FRK: variants seen among roughly 807,000 people sequenced by gnomAD.
FRK encodes tyrosine-protein kinase FRK.
In FRK, 51 loss-of-function variants were observed where a neutral mutation model predicts 56.4. The observed-to-expected ratio is 0.90, with a 90% CI of 0.72 to 1.14. The LOEUF (loss-of-function observed/expected upper bound fraction) is 1.14, where lower values mean the gene tolerates loss of function less well. Among genes scored for constraint, FRK ranks in the 50% most tolerant of loss-of-function variants. FRK has a pLI of 0.00. For missense variants in FRK, 570 were observed against 601.4 expected (o/e 0.95, Z 0.55); for synonymous variants, 245 against 217.9 (o/e 1.12, Z -1.10).
chr6:116,049,349 C>T (rs890207993), intron 1 of FRK, among the ~76,000 whole-genome samples: 3 of 152,152 alleles, frequency 2.0e-5, no homozygotes, highest in Admixed American at 2.0e-4. Context: ...GTTCATCTCT[C>T]TAGGCTTTTA....
intron 1 of FRK, among the ~76,000 whole-genome samples, chr6:116,015,672 G>A (rs1194820699): frequency 5.3e-5 from 8 of 152,156 alleles, no homozygotes; most frequent in Non-Finnish European, 1.2e-4. Context: ...TGAATTCCAG[G>A]CTCAGTTGGT....
the FRK span, among the ~76,000 whole-genome samples, chr6:116,079,720 G>T: frequency 2.0e-5 from 3 of 152,092 alleles, no homozygotes; most frequent in Non-Finnish European, 4.4e-5. Flanking sequence ...GCCCTGAGCA[G>T]ATGGGACTAC....
At chr6:116,016,688 G>C (rs1775668156) in intron 1 of FRK, among the ~76,000 whole-genome samples, 1 of 152,044 alleles carries the variant, frequency 6.6e-6, no homozygotes, top group African/African-American at 2.4e-5. Context: ...GTCTGCTACA[G>C]GTCAGAACAA....
At chr6:116,039,324 G>C in intron 1 of FRK, 3 of 1,416,988 alleles carry the variant, frequency 2.1e-6, no homozygotes, top group Non-Finnish European at 3.0e-6. Flanking sequence ...TCTGAGAATG[G>C]TGTCCAACAT....
At chr6:115,989,509 G>T (rs1774512162) in intron 2 of FRK, among the ~76,000 whole-genome samples, 1 of 151,760 alleles carries the variant, frequency 6.6e-6, no homozygotes, top group African/African-American at 2.4e-5. Context: ...TGTACCCATG[G>T]TTTAACTTCC....
chr6:116,087,452 C>T, the FRK span, among the ~76,000 whole-genome samples: 1 of 152,258 alleles, frequency 6.6e-6, no homozygotes, highest in African/African-American at 2.4e-5. Flanking sequence ...AGCTGCCCCA[C>T]CTAACTGGAC....
intron 4 of FRK, among the ~76,000 whole-genome samples, chr6:115,958,718 A>AGAAG (rs1773168040): frequency 1.5e-4 from 3 of 20,052 alleles, no homozygotes; most frequent in African/African-American, 5.5e-4. Flanking sequence ...AAAGAAAGAA[A>AGAAG]GAAAGAAAGA....
chr6:115,994,567 G>A (rs1265592670), intron 2 of FRK, among the ~76,000 whole-genome samples: 1 of 151,894 alleles, frequency 6.6e-6, no homozygotes, highest in Non-Finnish European at 1.5e-5. Flanking sequence ...CTACTTTACT[G>A]GCATGGCCAC....
rs1294209149 is a variant in FRK, at chr6:115,969,068, CT to C, written c.467-330del. Among the ~76,000 whole-genome samples the C allele has an allele frequency of 2.0e-5, 3 of 152,220 alleles. No individual in the cohort carries two copies. In the East Asian group the frequency reaches 5.8e-4, roughly 29 times the overall value. On this transcript the variant is annotated intron_variant, in intron 2 of 7. Transcript: ENST00000606080. ...ACTCTAGCAATGCAAAGAAGGACAC[CT>C]TACCATTTTGAGGAATCACAGTATC...
intron 2 of FRK, among the ~76,000 whole-genome samples, chr6:115,997,830 C>G (rs1188136330): frequency 6.6e-6 from 1 of 152,162 alleles, no homozygotes; most frequent in Non-Finnish European, 1.5e-5. Context: ...GTTCACTAGG[C>G]CTGTCCCACT....
intron 2 of FRK, among the ~76,000 whole-genome samples, chr6:115,981,654 T>C (rs1349158422): frequency 6.6e-6 from 1 of 152,048 alleles, no homozygotes; most frequent in Non-Finnish European, 1.5e-5. Flanking sequence ...CAGCAATTAG[T>C]AGACATGTTG....
At chr6:115,963,061 G>T in intron 4 of FRK, among the ~76,000 whole-genome samples, 1 of 59,888 alleles carries the variant, frequency 1.7e-5, no homozygotes, top group Non-Finnish European at 3.4e-5. Flanking sequence ...CAGAACTGAA[G>T]GAGATAGAGA....
chr6:116,033,655 G>A (rs1270543825), intron 1 of FRK, among the ~76,000 whole-genome samples: 1 of 152,192 alleles, frequency 6.6e-6, no homozygotes, highest in Non-Finnish European at 1.5e-5. Context: ...AAGTGATGGT[G>A]TAAATGAGAG....
intron 5 of FRK, among the ~76,000 whole-genome samples, chr6:115,948,700 T>C (rs1772571732): frequency 3.3e-5 from 5 of 152,218 alleles, no homozygotes; most frequent in Admixed American, 3.3e-4. Flanking sequence ...ATAGCTTGTC[T>C]TCCTTCAGTC....
chr6:115,943,933 C>T (rs1003408149), intron 6 of FRK, among the ~76,000 whole-genome samples: 5 of 152,142 alleles, frequency 3.3e-5, no homozygotes, highest in African/African-American at 4.8e-5. Context: ...ACAAAGTGTA[C>T]TGCTTTTGTA....
rs1473027680 is a variant in FRK at position 116,005,558 on chromosome 6, T to C, written c.345-1560A>G. Among the ~76,000 whole-genome samples, 5 of 152,066 alleles carry C rather than the reference T, an allele frequency of 3.3e-5. 1 individual carries two copies. Among genetic ancestry groups the C allele is most frequent in the African/African-American group, 1.2e-4 (5 of 41,414 alleles). ...CCACCATTTCCCAGAAGGTAGAAAATTGGAAACATTTGGTAGACTACACTA... is the reference window on the plus strand; with the variant it reads ...CCACCATTTCCCAGAAGGTAGAAAACTGGAAACATTTGGTAGACTACACTA... On this transcript the variant is annotated intron_variant, in intron 1 of 7. Transcript: ENST00000606080.
chr6:115,943,833 A>G (rs1772305617), intron 6 of FRK, among the ~76,000 whole-genome samples: 1 of 152,146 alleles, frequency 6.6e-6, no homozygotes, highest in Admixed American at 6.6e-5. Context: ...AAAATGGGGA[A>G]ATCAAAAAGC....
rs139630641 is a variant in FRK at position 115,944,425 on chromosome 6, T to C, written c.959A>G (p.Asn320Ser). 39 of 1,592,646 alleles carry C rather than the reference T, an allele frequency of 2.4e-5. No individual in the cohort carries two copies. The African/African-American group carries it at 4.8e-4, about 19-fold the overall frequency. Residue 320 changes from asparagine (N) to serine (S), a missense_variant and splice_region_variant, in exon 6 of 8, where the codon AAT (asparagine) becomes AGT (serine). Physicochemically the swap from Asn to Ser is conservative, Grantham distance 46. Transcript: ENST00000606080. Reference sequence around the variant, plus strand: ...CAGATGGATTTTTGATCCAGTGTCATCTAAGTAATAAGAGAAAAGTAAGAA... The same window carrying C: ...CAGATGGATTTTTGATCCAGTGTCACCTAAGTAATAAGAGAAAAGTAAGAA... ...RHGSLQEYLQNDTGSKIHLTQ... is the reference protein window; with the variant it reads ...RHGSLQEYLQSDTGSKIHLTQ...
At chr6:116,020,804 C>T (rs1045370928) in intron 1 of FRK, among the ~76,000 whole-genome samples, 1 of 152,060 alleles carries the variant, frequency 6.6e-6, no homozygotes, top group African/African-American at 2.4e-5. Flanking sequence ...TTAACTTTGC[C>T]TCATAAAACT....
Sources: gnomAD v4.1 joint callset for allele counts (sites outside exome capture counted in the v4.1 genomes callset) on GRCh38, gnomAD v4.1.1 for gene constraint, MANE v1.5 for transcripts, NCBI Gene and HGNC (gene_info 2026-07-23, HGNC 2026-07-21) for gene names.